The following ENKUR variants were observed in gnomAD, a reference collection of about 807,000 sequenced individuals.
ENKUR encodes the protein enkurin, TRPC channel interacting protein, also known as enkurin.
Under a neutral mutation model 27.6 loss-of-function variants are expected in ENKUR, and 19 were observed. That is an observed-to-expected ratio of 0.69 (90% CI 0.48 to 1.01). The LOEUF is 1.01. Among genes scored for constraint, ENKUR ranks in the 50% least tolerant of loss-of-function variants. The pLI, the probability that ENKUR is intolerant of heterozygous loss-of-function variation, is 0.00. For missense variants in ENKUR, 312 were observed against 310.5 expected, an observed-to-expected ratio of 1.00 and a Z score of -0.04; for synonymous variants, 117 against 96.9, an observed-to-expected ratio of 1.21 and a Z score of -1.22.
chr10:25,060,183 C>T (rs1244331776), intron 2 of ENKUR, among the ~76,000 whole-genome samples: 1 of 152,134 alleles, frequency 6.6e-6, no homozygotes, highest in Admixed American at 6.5e-5. Context: ...GAGTCTAATT[C>T]AATGTGATAA....
upstream of ENKUR, among the ~76,000 whole-genome samples, chr10:25,017,414 G>T (rs1223591014): frequency 6.6e-6 from 1 of 152,084 alleles, no homozygotes; most frequent in Non-Finnish European, 1.5e-5. Flanking sequence ...AGGCCACTCT[G>T]CCCGAAGGAA....
In ENKUR at chr10:24,995,713, TC is replaced by T; in HGVS notation, c.379del (p.Asp127IlefsTer15). 3.1e-6 allele frequency: 5 copies of T among 1,614,100 alleles called. No individual in the cohort carries two copies. The highest frequency in any genetic ancestry group is 4.2e-6 in the Non-Finnish European group (5 of 1,179,998). On this transcript the variant is annotated frameshift_variant, in exon 3 of 6. Transcript: ENST00000331161. LOFTEE classifies it high-confidence loss of function. The stretch of plus-strand genomic sequence containing the variant: ...ATCATGCTTGTCTCCAGTTCTTTTA[TC>T]AACATAAATTGGTTTAGGCTTTTTA... ...VAKKPKPIYV[D>X]KRTGDKHDLE...
chr10:25,019,567 T>C (rs909493744), upstream of ENKUR, among the ~76,000 whole-genome samples: 6 of 152,234 alleles, frequency 3.9e-5, no homozygotes, highest in Admixed American at 3.3e-4. Flanking sequence ...AGCATTTGCA[T>C]TGTATTATGT....
At chr10:25,049,311 A>G (rs558436805) in intron 2 of ENKUR, among the ~76,000 whole-genome samples, 57 of 152,276 alleles carry the variant, frequency 3.7e-4, no homozygotes, top group African/African-American at 1.3e-3. Flanking sequence ...TACTGGGGAA[A>G]CTGTGATAAA....
At chr10:25,040,604 G>A (rs1363233549) in intron 2 of ENKUR, among the ~76,000 whole-genome samples, 3 of 151,914 alleles carry the variant, frequency 2.0e-5, no homozygotes, top group South Asian at 2.1e-4. Context: ...TCTCCTGACC[G>A]CGTGATCCAC....
intron 1 of ENKUR, among the ~76,000 whole-genome samples, chr10:25,007,450 A>ATTTC (rs1193848374): frequency 1.3e-5 from 2 of 151,880 alleles, no homozygotes; most frequent in Non-Finnish European, 2.9e-5. Flanking sequence ...TTGTTTATTT[A>ATTTC]TTGAGATGGA....
At chr10:25,019,895 A>C (rs941015198), upstream of ENKUR, among the ~76,000 whole-genome samples, 5 of 152,212 alleles carry the variant, frequency 3.3e-5, no homozygotes, top group Non-Finnish European at 7.3e-5. Flanking sequence ...TGAATTAAAA[A>C]AATTTTAAAT....
intron 2 of ENKUR, among the ~76,000 whole-genome samples, chr10:25,037,634 T>A (rs1246783600): frequency 6.6e-6 from 1 of 152,208 alleles, no homozygotes; most frequent in Non-Finnish European, 1.5e-5. Flanking sequence ...TTTCTATTTC[T>A]GCCCCTAACT....
intron 2 of ENKUR, among the ~76,000 whole-genome samples, chr10:25,021,207 A>G (rs1850712102): frequency 6.6e-6 from 1 of 152,216 alleles, no homozygotes. Flanking sequence ...ATCTTACTGT[A>G]AATATTTTGT....
chr10:25,056,323 T>C (rs1341085780), intron 2 of ENKUR, among the ~76,000 whole-genome samples: 3 of 152,284 alleles, frequency 2.0e-5, no homozygotes, highest in South Asian at 4.1e-4. Context: ...CTCAGCTCAA[T>C]GGGAAGGTAA....
chr10:25,022,666 A>C (rs961614374), intron 2 of ENKUR, among the ~76,000 whole-genome samples: 1 of 152,180 alleles, frequency 6.6e-6, no homozygotes, highest in African/African-American at 2.4e-5. Flanking sequence ...ATTTATGAGT[A>C]ATATAGTCTG....
chr10:25,033,891 C>G (rs1850969162), intron 2 of ENKUR, among the ~76,000 whole-genome samples: 1 of 151,938 alleles, frequency 6.6e-6, no homozygotes, highest in African/African-American at 2.4e-5. Flanking sequence ...CTGTCTGTCT[C>G]TATCTGGATG....
At chr10:25,001,030 A>G (rs932279848) in intron 1 of ENKUR, among the ~76,000 whole-genome samples, 5 of 152,068 alleles carry the variant, frequency 3.3e-5, no homozygotes, top group Non-Finnish European at 7.4e-5. Flanking sequence ...AATATATTTT[A>G]CTTTTCTGTG....
chr10:25,014,203 T>C (rs1375540847), intron 1 of ENKUR, among the ~76,000 whole-genome samples: 2 of 152,106 alleles, frequency 1.3e-5, no homozygotes, highest in African/African-American at 2.4e-5. Flanking sequence ...TAAATTTTAG[T>C]GTTCATATTT....
upstream of ENKUR, among the ~76,000 whole-genome samples, chr10:25,017,695 C>T (rs1369975361): frequency 6.7e-6 from 1 of 149,698 alleles, no homozygotes; most frequent in African/African-American, 2.5e-5. Flanking sequence ...CAGATTTCTT[C>T]ACATCAGATT....
intron 2 of ENKUR, among the ~76,000 whole-genome samples, chr10:25,059,394 A>C (rs915764219): frequency 1.3e-5 from 2 of 151,976 alleles, no homozygotes; most frequent in African/African-American, 4.8e-5. Flanking sequence ...AGCCTCCCAA[A>C]GTGCTGGGAT....
chr10:25,023,927 GA>G, intron 2 of ENKUR: 2 of 1,614,130 alleles, frequency 1.2e-6, no homozygotes, highest in Non-Finnish European at 1.7e-6. Flanking sequence ...ATTTCAACAA[GA>G]CACGTTTGGC....
In ENKUR at chr10:25,006,767, C is replaced by A. The variant is rs184460726; in HGVS notation, c.78-7221G>T. ...AGCAAAAAGGACTCAGTTTGTTTTA[C>A]TGTCTCAGGCTAAAAGAACTGTGCA... On this transcript the variant is annotated intron_variant, in intron 1 of 5. Coordinates refer to ENST00000331161, the MANE Select transcript of ENKUR (RefSeq NM_145010.4). Among the ~76,000 whole-genome samples the A allele has an allele frequency of 4.6e-4, 70 of 152,266 alleles. 1 individual carries two copies. In the South Asian group the frequency reaches 7.9e-3, roughly 17 times the overall value.
At chr10:25,032,414 C>T (rs545234937) in intron 2 of ENKUR, among the ~76,000 whole-genome samples, 2 of 152,240 alleles carry the variant, frequency 1.3e-5, no homozygotes, top group African/African-American at 4.8e-5. Flanking sequence ...CTGCTCTCAC[C>T]TATGCCTAAT....
Sources: allele counts gnomAD v4.1 joint callset (sites outside exome capture counted in the v4.1 genomes callset), GRCh38; gene constraint gnomAD v4.1.1; transcripts MANE v1.5; gene names NCBI Gene and HGNC (gene_info 2026-07-23, HGNC 2026-07-21).